HSD17B4: variants seen among roughly 807,000 people sequenced by gnomAD.
The protein encoded by HSD17B4 is hydroxysteroid 17-beta dehydrogenase 4.
In HSD17B4, 70 loss-of-function variants were observed where a neutral mutation model predicts 101.0. That is an observed-to-expected ratio of 0.69 (90% CI 0.57 to 0.85). The LOEUF is 0.85. Ranked by LOEUF, HSD17B4 falls within the 40% of genes least tolerant of loss-of-function variation. The pLI is 0.00. For synonymous variants in HSD17B4, 347 were observed against 297.1 expected, an observed-to-expected ratio of 1.17 and a Z score of -1.73; for missense variants, 984 against 892.4, an observed-to-expected ratio of 1.10 and a Z score of -1.31.
intron 17 of HSD17B4, 36 bp from the exon 18 acceptor site, chr5:119,525,180 C>T (rs1433860593): frequency 1.4e-6 from 2 of 1,461,198 alleles, no homozygotes. Context: ...TCTAACAAAA[C>T]ACTGAGTTCT....
intron 2 of HSD17B4, among the ~76,000 whole-genome samples, chr5:119,466,659 G>T (rs1052479435): frequency 2.6e-5 from 4 of 151,782 alleles, no homozygotes; most frequent in Middle Eastern, 3.2e-3. Flanking sequence ...TTTCATTTCT[G>T]ATTTTATTTG....
At position 119,530,813 on chromosome 5, in the gene HSD17B4, A is replaced by C. The variant is rs1257308033; in HGVS notation, c.1855-453A>C. Among the ~76,000 whole-genome samples, 6 of 138,800 alleles carry C rather than the reference A, an allele frequency of 4.3e-5. 1 individual carries two copies. The East Asian group carries it at 1.5e-3, about 34-fold the overall frequency. 91.1% of individuals were successfully genotyped at this position (138,800 alleles called of 152,430 possible). The stretch of plus-strand genomic sequence containing the variant: ...GGTTGCAGTGAGCCAAGATTGCACT[A>C]CTGCATTCTAGCCTGGGCGACAAGT... On this transcript the variant is annotated intron_variant, in intron 21 of 23. Transcript: ENST00000510025.
rs1258041476 is a variant in HSD17B4, at chr5:119,497,830, CATTA to C, written c.972+1185_972+1188del. 2.1e-4 allele frequency among the ~76,000 whole-genome samples: 32 copies of C among 152,142 alleles called. No homozygotes were observed. The East Asian group carries it at 3.1e-3, about 15-fold the overall frequency. On this transcript the variant is annotated intron_variant, in intron 12 of 23. Transcript: ENST00000510025. ...ACTTTTGCTTTTTCTTTTTCAGTACCATTAGATTTCTGTATCTAACTGTATGACA... is the reference window on the plus strand; with the variant it reads ...ACTTTTGCTTTTTCTTTTTCAGTACCGATTTCTGTATCTAACTGTATGACA...
At chr5:119,537,332 C>T (rs1406528471) in intron 23 of HSD17B4, among the ~76,000 whole-genome samples, 2 of 152,104 alleles carry the variant, frequency 1.3e-5, no homozygotes, top group Admixed American at 6.6e-5. Context: ...AATCTTGCCC[C>T]TGTCACTTCA....
At chr5:119,461,091 T>G (rs1755181627) in intron 2 of HSD17B4, among the ~76,000 whole-genome samples, 2 of 152,172 alleles carry the variant, frequency 1.3e-5, no homozygotes, top group Admixed American at 6.5e-5. Context: ...AAGGACTAAC[T>G]TTTACCCTGA....
chr5:119,531,183 T>C (rs923531258), intron 21 of HSD17B4, 83 bp from the exon 22 acceptor site: 5 of 1,424,332 alleles, frequency 3.5e-6, no homozygotes, highest in Non-Finnish European at 4.9e-6. Context: ...AAAAAATCTT[T>C]TTTTTGCACA....
intron 8 of HSD17B4, among the ~76,000 whole-genome samples, chr5:119,479,856 A>C (rs995698568): frequency 5.3e-5 from 8 of 152,026 alleles, no homozygotes; most frequent in Non-Finnish European, 7.4e-5. Context: ...AATACCATGG[A>C]GTGTGATTGC....
intron 8 of HSD17B4, among the ~76,000 whole-genome samples, chr5:119,487,810 GT>G (rs1749742631): frequency 1.3e-5 from 2 of 152,126 alleles, no homozygotes; most frequent in African/African-American, 4.8e-5. Flanking sequence ...TTAGAGGAAT[GT>G]TATGTATTGA....
intron 21 of HSD17B4, among the ~76,000 whole-genome samples, chr5:119,530,347 G>A (rs1463313252): frequency 6.6e-6 from 1 of 152,002 alleles, no homozygotes; most frequent in Admixed American, 6.6e-5. Context: ...ATAAAGTTTT[G>A]TATGCAAATA....
At chr5:119,528,802 TG>T (rs1753817260) in intron 20 of HSD17B4, among the ~76,000 whole-genome samples, 1 of 152,186 alleles carries the variant, frequency 6.6e-6, no homozygotes, top group African/African-American at 2.4e-5. Context: ...CTAAGCATGC[TG>T]TCTTATCTTT....
chr5:119,465,484 A>T (rs1755716970), intron 2 of HSD17B4, among the ~76,000 whole-genome samples: 1 of 152,082 alleles, frequency 6.6e-6, no homozygotes, highest in Admixed American at 6.5e-5. Context: ...TTTTGCCATG[A>T]TTGGAGGCTT....
intron 17 of HSD17B4, among the ~76,000 whole-genome samples, chr5:119,516,552 G>A (rs949764401): frequency 3.9e-5 from 6 of 151,934 alleles, no homozygotes; most frequent in Non-Finnish European, 5.9e-5. Flanking sequence ...ATATTTTTGT[G>A]TGAATAATGG....
intron 12 of HSD17B4, among the ~76,000 whole-genome samples, chr5:119,497,069 C>T (rs1561461345): frequency 6.6e-6 from 1 of 152,162 alleles, no homozygotes; most frequent in Non-Finnish European, 1.5e-5. Flanking sequence ...AAGGTTTTGC[C>T]TAGTAGCCGA....
At chr5:119,490,128 C>A (rs1190520756) in intron 9 of HSD17B4, among the ~76,000 whole-genome samples, 1 of 151,778 alleles carries the variant, frequency 6.6e-6, no homozygotes. Context: ...TAGCTTATTT[C>A]ATTTGAATGA....
At chr5:119,486,988 G>T (rs1749666843) in intron 8 of HSD17B4, among the ~76,000 whole-genome samples, 1 of 151,902 alleles carries the variant, frequency 6.6e-6, no homozygotes, top group African/African-American at 2.4e-5. Flanking sequence ...TATTTGTTCT[G>T]TGTTCTAAAT....
At chr5:119,530,455 T>C (rs1302347659) in intron 21 of HSD17B4, among the ~76,000 whole-genome samples, 7 of 152,120 alleles carry the variant, frequency 4.6e-5, no homozygotes, top group Admixed American at 1.3e-4. Flanking sequence ...CTCTGAAATA[T>C]TAACTTTGTA....
At chr5:119,525,399 G>A in intron 18 of HSD17B4, 114 bp downstream of exon 18, 1 of 730,416 alleles carries the variant, frequency 1.4e-6, no homozygotes, top group Non-Finnish European at 2.5e-6. Flanking sequence ...TTAAAAAAAT[G>A]TTATTTTATT....
At chr5:119,533,224 A>G (rs1157940240) in intron 22 of HSD17B4, among the ~76,000 whole-genome samples, 1 of 151,850 alleles carries the variant, frequency 6.6e-6, no homozygotes, top group African/African-American at 2.4e-5. Flanking sequence ...TTCAATGAAC[A>G]TTTGAGTATT....
intron 23 of HSD17B4, among the ~76,000 whole-genome samples, chr5:119,540,908 A>T (rs888975052): frequency 3.3e-5 from 5 of 152,184 alleles, no homozygotes; most frequent in African/African-American, 1.2e-4. Context: ...TGGGGTAAGA[A>T]CTGCTGATGT....
Sources: allele counts gnomAD v4.1 joint callset (sites outside exome capture counted in the v4.1 genomes callset), GRCh38; gene constraint gnomAD v4.1.1; transcripts MANE v1.5; gene names NCBI Gene and HGNC (gene_info 2026-07-23, HGNC 2026-07-21).